ZCWPW2: variants seen among roughly 807,000 people sequenced by gnomAD.
ZCWPW2 encodes zinc finger CW-type and PWWP domain containing 2.
A neutral mutation model predicts 46.6 loss-of-function variants in ZCWPW2; 45 were observed. That is an observed-to-expected ratio of 0.96 (90% CI 0.76 to 1.24). The LOEUF is 1.24. Ranked by LOEUF, ZCWPW2 falls within the 50% of genes most tolerant of loss-of-function variation. ZCWPW2 has a pLI of 0.00. For synonymous variants in ZCWPW2, 152 were observed against 137.1 expected, an observed-to-expected ratio of 1.11 and a Z score of -0.76; for missense variants, 429 against 403.9, an observed-to-expected ratio of 1.06 and a Z score of -0.53.
chr3:28,479,732 A>G (rs766878236), intron 5 of ZCWPW2, among the ~76,000 whole-genome samples: 1 of 151,918 alleles, frequency 6.6e-6, no homozygotes, highest in Non-Finnish European at 1.5e-5. Flanking sequence ...GTGCCCATGT[A>G]TTCTTGTCAA....
At chr3:28,387,250 T>C (rs1003256576) in intron 1 of ZCWPW2, among the ~76,000 whole-genome samples, 9 of 152,224 alleles carry the variant, frequency 5.9e-5, no homozygotes, top group African/African-American at 2.2e-4. Context: ...TTTTCTTCTG[T>C]GCATGTTCTG....
At chr3:28,518,642 TGC>T (rs1700642921) in intron 8 of ZCWPW2, among the ~76,000 whole-genome samples, 1 of 152,210 alleles carries the variant, frequency 6.6e-6, no homozygotes, top group Non-Finnish European at 1.5e-5. Context: ...GAGCCTACAA[TGC>T]CATTTCGCAA....
chr3:28,439,073 A>C (rs936700680), intron 4 of ZCWPW2, among the ~76,000 whole-genome samples: 4 of 147,446 alleles, frequency 2.7e-5, no homozygotes, highest in Admixed American at 6.7e-5. Flanking sequence ...ATATATGTGT[A>C]TACACATATA....
intron 2 of ZCWPW2, among the ~76,000 whole-genome samples, chr3:28,397,149 A>G (rs993536894): frequency 2.6e-5 from 4 of 151,676 alleles, no homozygotes; most frequent in African/African-American, 4.8e-5. Context: ...AAAATCTGGT[A>G]TTATTCAAAA....
Position 28,349,161 on chromosome 3 carries a change from C to T in ZCWPW2, c.-176C>T, listed in dbSNP as rs57104508. On this transcript the variant is annotated 5_prime_UTR_variant, in exon 1 of 10. Transcript: ENST00000383768. ...CGTGAGCCTCCGCGGCGGGACGGGG[C>T]GGGGCCGCGGGACGCCAGGAGGCGG... The T allele has an allele frequency of 2.0e-3, 1,972 of 985,492 alleles. 46 individuals carry two copies. In the African/African-American group the frequency reaches 0.032, roughly 16 times the overall value. The allele number at this position is 985,492 out of a possible 1,614,324, so 61.0% of individuals were successfully genotyped here. A position where few individuals can be genotyped will look rare whatever the true frequency, so the allele number is the denominator to read the frequency against.
intron 6 of ZCWPW2, among the ~76,000 whole-genome samples, chr3:28,513,536 T>G (rs1048402062): frequency 2.0e-5 from 3 of 152,134 alleles, no homozygotes; most frequent in Non-Finnish European, 4.4e-5. Context: ...CCCTAGGCTT[T>G]ATGGAACATT....
chr3:28,521,130 T>G lies in ZCWPW2; in HGVS notation c.909+14T>G, dbSNP rs780059268. The G allele has an allele frequency of 1.3e-6, 2 of 1,587,262 alleles. No homozygotes were observed. Among genetic ancestry groups the G allele is most frequent in the African/African-American group, 2.7e-5 (2 of 72,834 alleles). ...ATGGGAGAAAAGGTAATATTGATAG[T>G]TATTTTCAGACCTAAATAACAACTT... On this transcript the variant is annotated intron_variant, in intron 9 of 9. Coordinates refer to ENST00000383768, the MANE Select transcript of ZCWPW2 (RefSeq NM_001040432.4).
At position 28,464,574 on chromosome 3, in the gene ZCWPW2, A is replaced by G. The variant is rs140633528; in HGVS notation, c.493-14240A>G. ...CACCAATCCTAGATTGCCATAATAG[A>G]AGACAAATAAATATATTTTCTGCAA... On this transcript the variant is annotated intron_variant, in intron 4 of 9. Transcript: ENST00000383768. Among the ~76,000 whole-genome samples the G allele has an allele frequency of 8.0e-4, 122 of 152,290 alleles. 1 individual carries two copies. Among genetic ancestry groups the G allele is most frequent in the African/African-American group, 2.9e-3 (120 of 41,562 alleles).
chr3:28,506,821 A>G (rs150018095), intron 6 of ZCWPW2, among the ~76,000 whole-genome samples: 288 of 152,248 alleles, frequency 1.9e-3, no homozygotes, highest in African/African-American at 6.4e-3. Flanking sequence ...GTCATATGCT[A>G]TAAACAAAAA....
chr3:28,475,861 C>T (rs1422205943), intron 4 of ZCWPW2, among the ~76,000 whole-genome samples: 2 of 152,056 alleles, frequency 1.3e-5, no homozygotes, highest in Non-Finnish European at 2.9e-5. Flanking sequence ...CTCATGATCA[C>T]CCTGACTTTG....
chr3:28,386,010 A>G (rs1165949630), intron 1 of ZCWPW2, among the ~76,000 whole-genome samples: 1 of 150,658 alleles, frequency 6.6e-6, no homozygotes, highest in African/African-American at 2.4e-5. Flanking sequence ...TATATTTCTC[A>G]TACAATTTAT....
At chr3:28,350,406 T>A (rs1200528592) in intron 1 of ZCWPW2, among the ~76,000 whole-genome samples, 1 of 152,240 alleles carries the variant, frequency 6.6e-6, no homozygotes, top group East Asian at 1.9e-4. Context: ...AGATAAAATG[T>A]CATAAATCAG....
chr3:28,478,927 A>G lies in ZCWPW2; in HGVS notation c.606A>G (p.Leu202=). 6.5e-7 allele frequency: 1 copy of G among 1,545,312 alleles called. No homozygotes were observed. The highest frequency in any genetic ancestry group is 2.1e-5 in the Admixed American group (1 of 48,084). The change falls in exon 5 of 10, where the codon CTA becomes CTG. Residue 202 remains leucine, a synonymous_variant. Coordinates refer to ENST00000383768, the MANE Select transcript of ZCWPW2 (RefSeq NM_001040432.4). The part of the protein sequence containing the change: ...QRLEMCCLSK[L]QDKSETHDKV... ...TGGAAATGTGCTGCCTATCAAAACT[A>G]CAAGGTGTATAAATATTTTTTCTTT...
intron 1 of ZCWPW2, among the ~76,000 whole-genome samples, chr3:28,387,107 A>G (rs1445676018): frequency 6.6e-6 from 1 of 152,164 alleles, no homozygotes; most frequent in Admixed American, 6.5e-5. Context: ...TTGGCCAAAG[A>G]GAGATTACCC....
chr3:28,367,440 T>C (rs1234383715), intron 1 of ZCWPW2, among the ~76,000 whole-genome samples: 1 of 152,208 alleles, frequency 6.6e-6, no homozygotes, highest in African/African-American at 2.4e-5. Flanking sequence ...TCAGTTTCCA[T>C]GTAGTTGTGT....
In ZCWPW2 at chr3:28,447,685, G is replaced by T. The variant is rs574368446; in HGVS notation, c.492+12416G>T. The T allele has an allele frequency of 1.6e-5, 7 of 434,502 alleles. No homozygotes were observed. In the East Asian group the frequency reaches 2.0e-4, roughly 13 times the overall value. The allele number at this position is 434,502 out of a possible 1,614,324, so 26.9% of individuals were successfully genotyped here. ...ATTAGGCAAGAAAAAAGAAATAAAA[G>T]ATATCTAGCTTCCACGAACGTTGTC... is the stretch of plus-strand genomic sequence containing the variant. On this transcript the variant is annotated intron_variant, in intron 4 of 9. Transcript: ENST00000383768.
chr3:28,440,172 G>C (rs1697691186), intron 4 of ZCWPW2, among the ~76,000 whole-genome samples: 1 of 152,140 alleles, frequency 6.6e-6, no homozygotes, highest in Non-Finnish European at 1.5e-5. Flanking sequence ...TGGAGTAGTA[G>C]ACTGATTTCA....
chr3:28,420,705 G>A (rs1385155758), intron 3 of ZCWPW2, among the ~76,000 whole-genome samples: 1 of 150,418 alleles, frequency 6.6e-6, no homozygotes, highest in African/African-American at 2.4e-5. Flanking sequence ...TTTTGGTAGG[G>A]GTATTATTTA....
At chr3:28,480,692 C>T (rs867679209) in intron 5 of ZCWPW2, among the ~76,000 whole-genome samples, 88 of 152,052 alleles carry the variant, frequency 5.8e-4, no homozygotes, top group African/African-American at 2.0e-3. Context: ...GAGTTGTCTT[C>T]CAGGGTTTTT....
Sources: allele counts gnomAD v4.1 joint callset (sites outside exome capture counted in the v4.1 genomes callset), GRCh38; gene constraint gnomAD v4.1.1; transcripts MANE v1.5; gene names NCBI Gene and HGNC (gene_info 2026-07-23, HGNC 2026-07-21).